Variants in ATP2C2 observed in about 807,000 individuals in gnomAD.
ATP2C2 encodes the protein ATPase secretory pathway Ca2+ transporting 2.
A neutral mutation model predicts 110.8 loss-of-function variants in ATP2C2; 171 were observed. The ratio of observed to expected loss-of-function variants is 1.54; its 90% CI spans 1.36 to 1.75. The LOEUF (loss-of-function observed/expected upper bound fraction) is 1.75, where lower values mean the gene tolerates loss of function less well. Among genes scored for constraint, ATP2C2 ranks in the 40% most tolerant of loss-of-function variants. ATP2C2 has a pLI of 0.00. For missense variants in ATP2C2, 1,963 were observed against 1,235.0 expected, an observed-to-expected ratio of 1.59 and a Z score of -8.84; for synonymous variants, 804 against 508.4, an observed-to-expected ratio of 1.58 and a Z score of -7.82.
intron 11 of ATP2C2, among the ~76,000 whole-genome samples, chr16:84,435,362 G>T (rs117993402): frequency 1.6e-4 from 24 of 152,324 alleles, no homozygotes; most frequent in Non-Finnish European, 2.8e-4. Flanking sequence ...TGGTCTCTCT[G>T]TGTGATCCTG....
chr16:84,413,894 A>C (rs985623381), intron 6 of ATP2C2, among the ~76,000 whole-genome samples: 1 of 152,182 alleles, frequency 6.6e-6, no homozygotes, highest in Non-Finnish European at 1.5e-5. Context: ...CAAGTGGAAG[A>C]AATGGGGAGG....
chr16:84,398,405 CA>C, intron 1 of ATP2C2, 93 bp from the exon 2 acceptor site: 1 of 728,364 alleles, frequency 1.4e-6, no homozygotes, highest in Non-Finnish European at 2.0e-6. Context: ...GACTCCATCT[CA>C]AAAAAATAAA....
intron 6 of ATP2C2, among the ~76,000 whole-genome samples, chr16:84,414,442 G>T (rs889390580): frequency 6.6e-6 from 1 of 152,140 alleles, no homozygotes; most frequent in Non-Finnish European, 1.5e-5. Context: ...AGCCAAACAC[G>T]CAAAGGCCCT....
At chr16:84,394,133 A>G (rs1904832953) in intron 1 of ATP2C2, among the ~76,000 whole-genome samples, 1 of 152,024 alleles carries the variant, frequency 6.6e-6, no homozygotes, top group South Asian at 2.1e-4. Context: ...GCAGTGCACC[A>G]AGATCACACC....
At chr16:84,425,040 C>T (rs1039448753) in intron 10 of ATP2C2, among the ~76,000 whole-genome samples, 3 of 152,080 alleles carry the variant, frequency 2.0e-5, no homozygotes, top group Non-Finnish European at 4.4e-5. Context: ...AGTAGAATGC[C>T]CAAAACAAAA....
At chr16:84,451,832 C>G in intron 17 of ATP2C2, 89 bp from the exon 18 acceptor site, 1 of 1,334,542 alleles carries the variant, frequency 7.5e-7, no homozygotes, top group South Asian at 1.3e-5. Context: ...GAACAAAACT[C>G]TCTTAAAAAA....
chr16:84,460,247 C>G (rs1182196168), intron 23 of ATP2C2: 7 of 265,740 alleles, frequency 2.6e-5, no homozygotes, highest in Non-Finnish European at 4.4e-5. Context: ...GGTCTAGCCT[C>G]AACCCTGCTG....
chr16:84,445,210 CT>C (rs373290504), intron 15 of ATP2C2, among the ~76,000 whole-genome samples: 161 of 141,652 alleles, frequency 1.1e-3, no homozygotes, highest in South Asian at 2.3e-3. Context: ...GCGTTTTCCT[CT>C]TTTTTTTTTT....
In ATP2C2 at chr16:84,370,699, A is replaced by G. The variant is rs558230647; in HGVS notation, c.99+1985A>G. On this transcript the variant is annotated intron_variant, in intron 1 of 26. Transcript: ENST00000262429. ...TCTTTTTTTTTTTTTGCGTTATTTC[A>G]TACTAGTTTATTTAGGGGTTCCATT... is the stretch of plus-strand genomic sequence containing the variant. Among the ~76,000 whole-genome samples the G allele has an allele frequency of 2.1e-5, 3 of 142,860 alleles. No individual in the cohort carries two copies. The East Asian group carries it at 6.0e-4, about 29-fold the overall frequency. The allele number at this position is 142,860 out of a possible 152,430, so 93.7% of individuals were successfully genotyped here. A position where few individuals can be genotyped will look rare whatever the true frequency, so the allele number is the denominator to read the frequency against.
intron 6 of ATP2C2, among the ~76,000 whole-genome samples, chr16:84,412,377 T>C (rs905887855): frequency 4.6e-5 from 5 of 109,196 alleles, no homozygotes; most frequent in African/African-American, 1.6e-4. Flanking sequence ...TGTGTGTGCG[T>C]GTGTGTATAT....
chr16:84,451,277 A>G (rs1444637790), intron 17 of ATP2C2, among the ~76,000 whole-genome samples: 3 of 152,144 alleles, frequency 2.0e-5, no homozygotes, highest in Non-Finnish European at 4.4e-5. Context: ...TGATTCAATT[A>G]TCTCCCACTG....
Position 84,446,371 on chromosome 16 carries a change from G to C in ATP2C2, c.1444G>C (p.Glu482Gln). The change falls in exon 16 of 27, where the codon GAG becomes CAG. Residue 482 changes from glutamate to glutamine, a missense_variant. Glu to Gln is a conservative substitution (Grantham distance 29). Coordinates refer to ENST00000262429, the MANE Select transcript of ATP2C2 (RefSeq NM_014861.4). ...TAAAAATTCATATATAAGAAAAAAA[G>C]AGATTCCATTCAGTTCAGAGCAGAA... is the stretch of plus-strand genomic sequence containing the variant. ...DIKNSYIRKK[E>Q]IPFSSEQKWM... is the part of the protein sequence containing the mutation. 1 of 1,604,564 alleles carries C rather than the reference G, an allele frequency of 6.2e-7. No homozygotes were observed. Among genetic ancestry groups the C allele is most frequent in the Non-Finnish European group, 8.5e-7 (1 of 1,176,714 alleles).
chr16:84,436,740 C>G (rs993640100), intron 11 of ATP2C2, among the ~76,000 whole-genome samples: 2 of 150,950 alleles, frequency 1.3e-5, no homozygotes, highest in African/African-American at 4.9e-5. Context: ...CTCTCCTCCC[C>G]CTCCCCATCG....
chr16:84,452,399 C>T (rs1264627902), intron 18 of ATP2C2, among the ~76,000 whole-genome samples: 6 of 152,034 alleles, frequency 3.9e-5, no homozygotes, highest in African/African-American at 1.4e-4. Flanking sequence ...TTCAGTCTGC[C>T]TTCTGCCTCT....
chr16:84,393,098 GAGA>G (rs765564412), intron 1 of ATP2C2, among the ~76,000 whole-genome samples: 15 of 152,346 alleles, frequency 9.8e-5, no homozygotes, highest in Non-Finnish European at 2.1e-4. Flanking sequence ...CCCACTTGGA[GAGA>G]AGAAGTGAGT....
At chr16:84,370,896 C>G (rs980513411) in intron 1 of ATP2C2, among the ~76,000 whole-genome samples, 1 of 152,230 alleles carries the variant, frequency 6.6e-6, no homozygotes, top group East Asian at 1.9e-4. Context: ...CCTCTTACCT[C>G]CAAGGTAAAT....
intron 15 of ATP2C2, among the ~76,000 whole-genome samples, chr16:84,445,401 G>C (rs1209914066): frequency 6.6e-6 from 1 of 151,946 alleles, no homozygotes; most frequent in African/African-American, 2.4e-5. Context: ...GTAGAGACAG[G>C]GTTTCACCAT....
intron 14 of ATP2C2, among the ~76,000 whole-genome samples, chr16:84,442,279 C>T (rs58763028): frequency 5.9e-5 from 9 of 152,266 alleles, no homozygotes; most frequent in African/African-American, 2.2e-4. Flanking sequence ...CGTCACCACC[C>T]GTGCACCTGC....
In ATP2C2 at chr16:84,459,381, G is replaced by A. The variant is rs186839647; in HGVS notation, c.2328G>A (p.Ala776=). 389 of 1,613,886 alleles carry A rather than the reference G, an allele frequency of 2.4e-4. 1 individual carries two copies. In the Middle Eastern group the frequency reaches 5.8e-3, roughly 24 times the overall value. Residue 776 remains alanine, a synonymous_variant, in exon 23 of 27, where the codon GCG becomes GCA. Transcript: ENST00000262429. ...WINIIMDGPP[A]QSLGVEPVDK... is the part of the protein sequence containing the mutation. ...ACATCATCATGGATGGGCCACCGGC[G>A]CAGAGGTGAGGCAGGGCCGGCTGGG...
Sources: gnomAD v4.1 joint callset for allele counts (sites outside exome capture counted in the v4.1 genomes callset) on GRCh38, gnomAD v4.1.1 for gene constraint, MANE v1.5 for transcripts, NCBI Gene and HGNC (gene_info 2026-07-23, HGNC 2026-07-21) for gene names.